The following TENM2 variants were observed in gnomAD, a reference collection of about 807,000 sequenced individuals.
TENM2 encodes teneurin-2.
In TENM2, 52 loss-of-function variants were observed where a neutral mutation model predicts 245.2. The ratio of observed to expected loss-of-function variants is 0.21; its 90% confidence interval spans 0.17 to 0.27. The LOEUF (loss-of-function observed/expected upper bound fraction) is 0.27. TENM2 is among the 10% of genes least tolerant of loss of function. TENM2 has a pLI of 1.00. For missense variants in TENM2, 3,046 were observed against 3,666.8 expected (o/e 0.83, Z 4.37); for synonymous variants, 1,363 against 1,438.9 (o/e 0.95, Z 1.19).
intron 1 of TENM2, among the ~76,000 whole-genome samples, chr5:167,325,977 C>A (rs1426866981): frequency 1.3e-5 from 2 of 152,112 alleles, no homozygotes; most frequent in Non-Finnish European, 2.9e-5. Flanking sequence ...GGAAAGAACC[C>A]TTTACATGGA....
intron 2 of TENM2, among the ~76,000 whole-genome samples, chr5:167,380,071 G>A (rs184503525): frequency 2.0e-5 from 3 of 151,942 alleles, no homozygotes; most frequent in East Asian, 3.9e-4. Flanking sequence ...GAGTTATCAT[G>A]GATTTAAAAA....
At chr5:167,919,607 C>T (rs1561934524) in intron 3 of TENM2, among the ~76,000 whole-genome samples, 1 of 152,164 alleles carries the variant, frequency 6.6e-6, no homozygotes. Flanking sequence ...AACCCCTTGA[C>T]CTAAGAGGAA....
intron 2 of TENM2, among the ~76,000 whole-genome samples, chr5:167,732,537 A>C (rs1033045609): frequency 1.3e-5 from 2 of 152,194 alleles, no homozygotes; most frequent in Non-Finnish European, 2.9e-5. Context: ...AATGGTTGAC[A>C]GTTTGCTTTT....
chr5:167,446,699 TG>T (rs10710566), intron 2 of TENM2, among the ~76,000 whole-genome samples: 144,781 of 150,662 alleles, frequency 0.96, 69,765 homozygotes, highest in Non-Finnish European at 1. Context: ...TCAACTTTTT[TG>T]GGGGGGGGGA....
chr5:167,085,382 C>A, the TENM2 span, among the ~76,000 whole-genome samples: 2 of 152,200 alleles, frequency 1.3e-5, no homozygotes, highest in South Asian at 4.1e-4. Context: ...GAGTGTACTT[C>A]TATTGTTAGA....
chr5:167,607,534 A>T (rs1777142865), intron 2 of TENM2, among the ~76,000 whole-genome samples: 1 of 152,176 alleles, frequency 6.6e-6, no homozygotes, highest in African/African-American at 2.4e-5. Context: ...GTTGATGACC[A>T]TTACTTCGGG....
Position 167,389,323 on chromosome 5 carries a change from A to G in TENM2, c.502+13850A>G, listed in dbSNP as rs564872618. ...AAAAATCACCTATAATTTGACACCA[A>G]CAATAACTATGGTTAATATTTTGAT... is the stretch of plus-strand genomic sequence containing the variant. On this transcript the variant is annotated intron_variant, in intron 2 of 28. Coordinates refer to ENST00000518659, the Ensembl canonical transcript of TENM2. Among the ~76,000 whole-genome samples the G allele has an allele frequency of 5.9e-5, 9 of 151,634 alleles. No homozygotes were observed. The South Asian group carries it at 1.5e-3, about 25-fold the overall frequency.
At chr5:167,439,683 A>T (rs770528061) in intron 2 of TENM2, among the ~76,000 whole-genome samples, 10 of 152,154 alleles carry the variant, frequency 6.6e-5, no homozygotes, top group Non-Finnish European at 1.5e-5. Context: ...TACATAATAG[A>T]TTGGCATGTA....
intron 2 of TENM2, among the ~76,000 whole-genome samples, chr5:167,493,402 A>G (rs939048935): frequency 2.0e-4 from 30 of 152,146 alleles, no homozygotes; most frequent in African/African-American, 6.8e-4. Context: ...TGGCCTTAGC[A>G]TTTAATTTAT....
chr5:167,150,389 G>T, the TENM2 span, among the ~76,000 whole-genome samples: 12 of 152,134 alleles, frequency 7.9e-5, no homozygotes, highest in African/African-American at 2.2e-4. Flanking sequence ...AAGAATTTTT[G>T]TTATGTGAGG....
At chr5:168,127,393 A>G (rs1426226921) in intron 12 of TENM2, among the ~76,000 whole-genome samples, 2 of 152,180 alleles carry the variant, frequency 1.3e-5, no homozygotes, top group African/African-American at 4.8e-5. Flanking sequence ...AGACGCAGGC[A>G]GGACTCTCAG....
At chr5:167,661,030 A>C (rs1755177588) in intron 2 of TENM2, among the ~76,000 whole-genome samples, 1 of 152,204 alleles carries the variant, frequency 6.6e-6, no homozygotes, top group South Asian at 2.1e-4. Context: ...TCAGCATTTT[A>C]AGTCAAGCAT....
intron 2 of TENM2, among the ~76,000 whole-genome samples, chr5:167,683,806 A>G (rs1265619592): frequency 1.3e-5 from 2 of 152,210 alleles, no homozygotes; most frequent in African/African-American, 2.4e-5. Context: ...CGATCTATGA[A>G]TGGCCTGCCA....
chr5:167,771,097 GCAACATCACTA>G (rs1763373781), intron 2 of TENM2, among the ~76,000 whole-genome samples: 1 of 151,998 alleles, frequency 6.6e-6, no homozygotes, highest in Admixed American at 6.6e-5. Flanking sequence ...GAAAAAGAGA[GCAACATCACTA>G]CATTATAAGG....
intron 2 of TENM2, among the ~76,000 whole-genome samples, chr5:167,600,374 A>G (rs978817903): frequency 1.3e-5 from 2 of 152,112 alleles, no homozygotes; most frequent in African/African-American, 2.4e-5. Context: ...GCTCTTTTCT[A>G]TATAAAAAAT....
intron 1 of TENM2, among the ~76,000 whole-genome samples, chr5:167,347,917 AAC>A (rs1370077745): frequency 6.6e-6 from 1 of 152,178 alleles, no homozygotes; most frequent in African/African-American, 2.4e-5. Context: ...GGCAGATGGA[AAC>A]ACAGAGCATT....
At chr5:167,026,636 T>A in the TENM2 span, among the ~76,000 whole-genome samples, 1 of 152,212 alleles carries the variant, frequency 6.6e-6, no homozygotes, top group Non-Finnish European at 1.5e-5. Flanking sequence ...CTAAGGTCTT[T>A]AGCATGCGCA....
intron 2 of TENM2, among the ~76,000 whole-genome samples, chr5:167,398,338 C>CTTCT (rs1230758556): frequency 6.6e-6 from 1 of 150,548 alleles, no homozygotes; most frequent in Non-Finnish European, 1.5e-5. Context: ...TTATTCTTTC[C>CTTCT]TTCTTTCTTT....
intron 2 of TENM2, among the ~76,000 whole-genome samples, chr5:167,742,018 A>G (rs1013291590): frequency 1.3e-5 from 2 of 152,144 alleles, no homozygotes; most frequent in African/African-American, 4.8e-5. Flanking sequence ...TCTTTCTTCA[A>G]AGACAACCTC....
Sources: gnomAD v4.1 joint callset for allele counts (sites outside exome capture counted in the v4.1 genomes callset) on GRCh38, gnomAD v4.1.1 for gene constraint, MANE v1.5 for transcripts, NCBI Gene and HGNC (gene_info 2026-07-23, HGNC 2026-07-21) for gene names.